ABCB9: variants seen among roughly 807,000 people sequenced by gnomAD.
ABCB9 encodes the protein ATP binding cassette subfamily B member 9.
Under a neutral mutation model 62.0 loss-of-function variants are expected in ABCB9, and 36 were observed. That is an observed-to-expected ratio of 0.58 (90% confidence interval 0.45 to 0.77). The LOEUF (loss-of-function observed/expected upper bound fraction) is 0.77. ABCB9 is among the 30% of genes least tolerant of loss of function. ABCB9 has a pLI of 0.00. For missense variants in ABCB9, 943 were observed against 1,054.7 expected (o/e 0.89, Z 1.47); for synonymous variants, 435 against 461.4 (o/e 0.94, Z 0.73).
chr12:122,949,962 C>A, intron 3 of ABCB9, 44 bp from the exon 4 acceptor site: 1 of 1,611,028 alleles, frequency 6.2e-7, no homozygotes, highest in Non-Finnish European at 8.5e-7. Flanking sequence ...TCCTTCCAGA[C>A]CAGTGACCAC....
rs57112984 is a variant in ABCB9 at position 122,972,037 on chromosome 12, C to CTTTTTTTTTTT, written c.-88+2667_-88+2677dup. On this transcript the variant is annotated intron_variant, in intron 1 of 11. Coordinates refer to the ABCB9 transcript ENST00000392439. ...TTCATAGCAGCTTCATTCATAATGTCTTTTTTTTTTTTTTTTTTTTTTGTT... is the reference window on the plus strand; with the variant it reads ...TTCATAGCAGCTTCATTCATAATGTCTTTTTTTTTTTTTTTTTTTTTTTTTTTTTTTTTGTT... 9.1e-5 allele frequency among the ~76,000 whole-genome samples: 9 copies of CTTTTTTTTTTT among 99,286 alleles called. 2 individuals are homozygous for CTTTTTTTTTTT. The highest frequency in any genetic ancestry group is 1.3e-4 in the Non-Finnish European group (7 of 53,226). The allele number at this position is 99,286 out of a possible 152,430, so 65.1% of individuals were successfully genotyped here. A position where few individuals can be genotyped will look rare whatever the true frequency, so the allele number is the denominator to read the frequency against.
chr12:122,953,261 G>GC (rs2036454863), intron 2 of ABCB9, among the ~76,000 whole-genome samples: 8 of 151,018 alleles, frequency 5.3e-5, no homozygotes, highest in African/African-American at 2.0e-4. Context: ...TACCCAGGCT[G>GC]GAGTGCAGTG....
downstream of ABCB9, among the ~76,000 whole-genome samples, chr12:122,920,633 A>C (rs78726571): frequency 4.1e-4 from 62 of 152,218 alleles, 1 homozygote; most frequent in East Asian, 6.9e-3. Flanking sequence ...GGCCAGGCAT[A>C]GTGGCTCACA....
At chr12:122,920,997 T>A in exon 12 of ABCB9, 1 of 1,532,822 alleles carries the variant, frequency 6.5e-7, no homozygotes, top group East Asian at 2.4e-5. Context: ...ATTGTCATCA[T>A]CATCAATCCA....
chr12:122,973,597 A>ACC (rs1566206700), intron 1 of ABCB9, among the ~76,000 whole-genome samples: 2 of 139,678 alleles, frequency 1.4e-5, no homozygotes, highest in African/African-American at 5.7e-5. Context: ...AAAAAAAAAA[A>ACC]AAAAAAAAAA....
rs765484313 is a variant in ABCB9, at chr12:122,935,316, T to C, written c.1859A>G (p.Asn620Ser). Reference protein sequence around the residue: ...EMVVEAAQKANAHGFIMELQD... With the variant: ...EMVVEAAQKASAHGFIMELQD... Reference sequence around the variant, plus strand: ...GAGTTCCATGATGAAGCCGTGGGCATTGGCCTTCTGTGCGGCCTCCACCAC... The same window carrying C: ...GAGTTCCATGATGAAGCCGTGGGCACTGGCCTTCTGTGCGGCCTCCACCAC... Residue 620 changes from asparagine to serine, a missense_variant, in exon 10 of 12, where the codon AAT (asparagine) becomes AGT (serine). By Grantham distance (46) the Asn-to-Ser change is conservative. Transcript: ENST00000280560. 4 of 1,613,654 alleles carry C rather than the reference T, an allele frequency of 2.5e-6. No homozygotes were observed. Among genetic ancestry groups the C allele is most frequent in the African/African-American group, 1.3e-5 (1 of 75,030 alleles).
intron 9 of ABCB9, 190 bp downstream of exon 9, chr12:122,939,921 G>C (rs1336809469): frequency 5.3e-6 from 4 of 756,960 alleles, no homozygotes; most frequent in East Asian, 6.2e-5. Context: ...CAAAATGCTG[G>C]GATTACAGGT....
intron 5 of ABCB9, 195 bp from the exon 6 acceptor site, chr12:122,946,417 CA>C: frequency 1.6e-6 from 1 of 610,968 alleles, no homozygotes; most frequent in South Asian, 2.0e-5. Context: ...CTCAGGTAGT[CA>C]ACTCCAGAGA....
At chr12:122,943,021 C>A (rs2035847620) in intron 7 of ABCB9, among the ~76,000 whole-genome samples, 1 of 152,284 alleles carries the variant, frequency 6.6e-6, no homozygotes, top group East Asian at 1.9e-4. Flanking sequence ...CAGCGCAGCA[C>A]ACAAAGGCCC....
intron 4 of ABCB9, 67 bp from the exon 5 acceptor site, chr12:122,948,896 T>C: frequency 7.6e-7 from 1 of 1,315,796 alleles, no homozygotes; most frequent in Non-Finnish European, 9.9e-7. Flanking sequence ...TGGGGGATGC[T>C]AAGGGGCCTC....
At position 122,944,741 on chromosome 12, in the gene ABCB9, T is replaced by C. The variant is rs1207415607; in HGVS notation, c.1252-222A>G. On this transcript the variant is annotated intron_variant, in intron 6 of 11. Transcript: ENST00000280560. This position sits in a 1 kb window ranked among gnomAD's most constrained non-coding sequence, Gnocchi z 4.9. ...CCTCCAGCTGGAGCAGGCTGTGGGC[T>C]TGGCCACAGAACAAGGCTTTCTTTG... The C allele has an allele frequency of 5.5e-6, 3 of 541,080 alleles. No homozygotes were observed. Among genetic ancestry groups the C allele is most frequent in the Non-Finnish European group, 9.6e-6 (3 of 312,414 alleles). The allele number at this position is 541,080 out of a possible 1,614,324, so 33.5% of individuals were successfully genotyped here. A position where few individuals can be genotyped will look rare whatever the true frequency, so the allele number is the denominator to read the frequency against.
At chr12:122,975,097 T>A (rs918102908) in exon 1 of ABCB9, 3 of 498,652 alleles carry the variant, frequency 6.0e-6, no homozygotes, top group Non-Finnish European at 3.6e-6. Flanking sequence ...GGAGCATCTT[T>A]CTCCGCAGAC....
At chr12:122,972,164 C>T (rs1440754848) in intron 1 of ABCB9, among the ~76,000 whole-genome samples, 1 of 150,926 alleles carries the variant, frequency 6.6e-6, no homozygotes, top group African/African-American at 2.4e-5. Context: ...CCTGCCTCAG[C>T]CTCCCGAGCA....
rs140148724 is a variant in ABCB9 at position 122,946,358 on chromosome 12, C to T, written c.1054-136G>A. ...GCAAGAGGTTCCTAGGACAAAAAGA[C>T]AAGATCTAGCCCTTTCTCCCCCATC... is the stretch of plus-strand genomic sequence containing the variant. On this transcript the variant is annotated intron_variant, in intron 5 of 11. Transcript: ENST00000280560. The T allele has an allele frequency of 5.2e-4, 434 of 833,108 alleles. 1 individual carries two copies. The African/African-American group carries it at 6.7e-3, about 13-fold the overall frequency. 51.6% of individuals were successfully genotyped at this position (833,108 alleles called of 1,614,324 possible).
In ABCB9 at chr12:122,929,975, T is replaced by C. The variant is rs2135749586; in HGVS notation, c.2237A>G (p.Gln746Arg). The C allele has an allele frequency of 6.3e-7, 1 of 1,578,640 alleles. No homozygotes were observed. The highest frequency in any genetic ancestry group is 8.6e-7 in the Non-Finnish European group (1 of 1,165,382). The change falls in exon 12 of 12, where the codon CAG (glutamine) becomes CGG (arginine). Residue 746 changes from glutamine (Q) to arginine (R), a missense_variant. Transcript: ENST00000280560. This position sits in a 1 kb window ranked among gnomAD's most constrained non-coding sequence, Gnocchi z 6.0. ...GCCAGCTGTGAAGTCTGCGGCGGGCTGAAGCCCCAGCATCTGCCGCTGCAC... is the reference window on the plus strand; with the variant it reads ...GCCAGCTGTGAAGTCTGCGGCGGGCCGAAGCCCCAGCATCTGCCGCTGCAC... Reference protein sequence around the residue: ...KLVQRQMLGLQPAADFTAGHN... With the variant: ...KLVQRQMLGLRPAADFTAGHN...
Position 122,941,817 on chromosome 12 carries a change from C to T in ABCB9, c.1381-822G>A, listed in dbSNP as rs183297229. ...CTTGCTCACTGCAACTTCTGCCTCC[C>T]GGGTTCAAGCAATTCTCCAACCTCA... On this transcript the variant is annotated intron_variant, in intron 7 of 11. Transcript: ENST00000280560. Among the ~76,000 whole-genome samples the T allele has an allele frequency of 3.0e-4, 45 of 152,052 alleles. 1 individual carries two copies. The highest frequency in any genetic ancestry group is 2.0e-3 in the Admixed American group (30 of 15,256).
At chr12:122,939,946 C>G (rs1371587212) in intron 9 of ABCB9, 165 bp downstream of exon 9, 2 of 1,015,786 alleles carry the variant, frequency 2.0e-6, no homozygotes, top group Non-Finnish European at 2.8e-6. Flanking sequence ...GCCACCACGT[C>G]TGGACAAGAA....
At chr12:122,945,188 C>T (rs1471354811) in intron 6 of ABCB9, among the ~76,000 whole-genome samples, 3 of 152,198 alleles carry the variant, frequency 2.0e-5, no homozygotes, top group Non-Finnish European at 4.4e-5. Context: ...TCCTCCTTGG[C>T]TGATACTTTT....
intron 2 of ABCB9, among the ~76,000 whole-genome samples, chr12:122,955,846 G>A (rs1466318595): frequency 6.6e-6 from 1 of 151,972 alleles, no homozygotes; most frequent in East Asian, 1.9e-4. Flanking sequence ...TGAGTAGCTG[G>A]GATTACAGGC....
Sources: gnomAD v4.1 joint callset for allele counts (sites outside exome capture counted in the v4.1 genomes callset) on GRCh38, gnomAD v4.1.1 for gene constraint, Gnocchi (gnomAD v3.1) non-coding constraint, MANE v1.5 for transcripts, NCBI Gene and HGNC (gene_info 2026-07-23, HGNC 2026-07-21) for gene names.